Variants in TTC3 observed in about 807,000 individuals in gnomAD.
TTC3 encodes tetratricopeptide repeat domain 3.
In TTC3, 180 loss-of-function variants were observed where a neutral mutation model predicts 249.6. The ratio of observed to expected loss-of-function variants is 0.72; its 90% CI spans 0.64 to 0.82. The LOEUF is 0.82. Among genes scored for constraint, TTC3 ranks in the 40% least tolerant of loss-of-function variants. TTC3 has a pLI of 0.00. For synonymous variants in TTC3, 717 were observed against 805.0 expected, an observed-to-expected ratio of 0.89 and a Z score of 1.85; for missense variants, 2,061 against 2,398.4, an observed-to-expected ratio of 0.86 and a Z score of 2.94.
chr21:37,100,310 A>C (rs891093606), intron 10 of TTC3, among the ~76,000 whole-genome samples: 4 of 152,226 alleles, frequency 2.6e-5, no homozygotes, highest in Admixed American at 6.5e-5. Context: ...ATATTTGATA[A>C]AAAGTAAAAC....
At chr21:37,170,026 G>T (rs1245242076) in intron 34 of TTC3, among the ~76,000 whole-genome samples, 1 of 151,802 alleles carries the variant, frequency 6.6e-6, no homozygotes, top group Non-Finnish European at 1.5e-5. Context: ...ATAAAAAATG[G>T]ACCTATAAAA....
intron 6 of TTC3, among the ~76,000 whole-genome samples, chr21:37,090,819 C>T (rs1257949514): frequency 6.6e-6 from 1 of 152,182 alleles, no homozygotes; most frequent in African/African-American, 2.4e-5. Flanking sequence ...ACATCTTCCT[C>T]TTGTTCTTTA....
chr21:37,083,697 GT>G (rs2072020985), intron 1 of TTC3: 1 of 152,274 alleles, frequency 6.6e-6, no homozygotes, highest in South Asian at 2.1e-4. Flanking sequence ...CATTTCATAT[GT>G]TTGTTTTTGA....
exon 46 of TTC3, chr21:37,201,855 T>C (rs1427121114): frequency 1.9e-5 from 8 of 417,910 alleles, no homozygotes; most frequent in Non-Finnish European, 2.6e-5. Context: ...TTTTGGAAAG[T>C]ACTATGAACG....
exon 11 of TTC3, chr21:37,108,399 C>T (rs2075292144): frequency 6.2e-7 from 1 of 1,610,464 alleles, no homozygotes; most frequent in African/African-American, 1.3e-5. Flanking sequence ...TAGAAATGCA[C>T]TCGGTGATGG....
intron 16 of TTC3, among the ~76,000 whole-genome samples, chr21:37,131,940 A>G (rs1161538638): frequency 6.6e-6 from 1 of 152,168 alleles, no homozygotes; most frequent in Non-Finnish European, 1.5e-5. Flanking sequence ...GTATCTTATT[A>G]TTAGATTTTC....
chr21:37,081,460 C>T (rs1255210713), intron 1 of TTC3: 1 of 152,110 alleles, frequency 6.6e-6, no homozygotes, highest in African/African-American at 2.4e-5. Flanking sequence ...CTTTTAGTTA[C>T]ATTGGATTTT....
intron 35 of TTC3, among the ~76,000 whole-genome samples, chr21:37,179,777 A>G (rs1179839682): frequency 2.0e-5 from 3 of 152,116 alleles, no homozygotes; most frequent in Non-Finnish European, 4.4e-5. Context: ...CAAGACTACA[A>G]ACACATGCCA....
Position 37,162,080 on chromosome 21 carries a change from A to G in TTC3, c.3170+17A>G. ...AGACCATAGGTAAGTATAATTTTTAAATTTTTGCTTCATTTTAACTCAAAT... is the reference window on the plus strand; with the variant it reads ...AGACCATAGGTAAGTATAATTTTTAGATTTTTGCTTCATTTTAACTCAAAT... On this transcript the variant is annotated intron_variant, in intron 31 of 45. Coordinates refer to ENST00000355666, the Ensembl canonical transcript of TTC3. 6.8e-7 allele frequency: 1 copy of G among 1,481,008 alleles called. No homozygotes were observed. The highest frequency in any genetic ancestry group is 9.2e-7 in the Non-Finnish European group (1 of 1,092,770). The allele number at this position is 1,481,008 out of a possible 1,614,324, so 91.7% of individuals were successfully genotyped here. A position where few individuals can be genotyped will look rare whatever the true frequency, so the allele number is the denominator to read the frequency against.
chr21:37,087,499 T>A, intron 2 of TTC3, 98 bp downstream of exon 2: 3 of 1,438,086 alleles, frequency 2.1e-6, no homozygotes, highest in Non-Finnish European at 2.9e-6. Flanking sequence ...GTACGTGCGT[T>A]TTGACAGGGA....
At chr21:37,087,252 T>C in exon 2 of TTC3, 1 of 1,613,714 alleles carries the variant, frequency 6.2e-7, no homozygotes, top group Non-Finnish European at 8.5e-7. Context: ...CTTAGACTTG[T>C]GCACCATGGA....
At chr21:37,190,680 T>C (rs753945256) in intron 39 of TTC3, among the ~76,000 whole-genome samples, 24 of 152,190 alleles carry the variant, frequency 1.6e-4, no homozygotes, top group Non-Finnish European at 2.4e-4. Flanking sequence ...AGATTCTTTC[T>C]TCAGGATGCC....
intron 29 of TTC3, among the ~76,000 whole-genome samples, 166 bp downstream of exon 29, chr21:37,159,911 A>G (rs148648759): frequency 2.6e-5 from 4 of 152,216 alleles, no homozygotes; most frequent in Middle Eastern, 3.2e-3. Context: ...AGTCACTGCC[A>G]GTTTTCCTCT....
exon 33 of TTC3, chr21:37,165,642 G>A (rs2081184216): frequency 5.0e-6 from 8 of 1,613,868 alleles, no homozygotes; most frequent in African/African-American, 2.7e-5. Context: ...GAAGAAACTC[G>A]ACAGATACTA....
chr21:37,197,622 C>T (rs2085060308), exon 43 of TTC3: 1 of 1,611,808 alleles, frequency 6.2e-7, no homozygotes, highest in African/African-American at 1.3e-5. Context: ...CAAGAACTCA[C>T]TCTCAGGATT....
intron 31 of TTC3, among the ~76,000 whole-genome samples, chr21:37,163,092 GATTA>G (rs1206710479): frequency 6.6e-6 from 1 of 152,180 alleles, no homozygotes; most frequent in East Asian, 1.9e-4. Flanking sequence ...CCTTTACTGA[GATTA>G]ATTCTTATGT....
At chr21:37,188,947 A>G (rs2083635873) in intron 39 of TTC3, among the ~76,000 whole-genome samples, 1 of 152,206 alleles carries the variant, frequency 6.6e-6, no homozygotes, top group Non-Finnish European at 1.5e-5. Context: ...GCATAGAAAC[A>G]TGTCATGATT....
chr21:37,092,234 G>A (rs1308197961), intron 7 of TTC3, among the ~76,000 whole-genome samples: 1 of 152,212 alleles, frequency 6.6e-6, no homozygotes, highest in African/African-American at 2.4e-5. Flanking sequence ...AGTAGATGAT[G>A]ACCAATAATT....
chr21:37,173,359 C>G (rs1427828701), intron 35 of TTC3, among the ~76,000 whole-genome samples: 2 of 152,124 alleles, frequency 1.3e-5, no homozygotes, highest in Non-Finnish European at 2.9e-5. Context: ...ACACATGGAG[C>G]CTTAGACATA....
Sources: gnomAD v4.1 joint callset for allele counts (sites outside exome capture counted in the v4.1 genomes callset) on GRCh38, gnomAD v4.1.1 for gene constraint, MANE v1.5 for transcripts, NCBI Gene and HGNC (gene_info 2026-07-23, HGNC 2026-07-21) for gene names.